MALRD1: variants seen among roughly 807,000 people sequenced by gnomAD.
The protein encoded by MALRD1 is MAM and LDL-receptor class A domain-containing protein 1.
MALRD1 carries 247 observed loss-of-function variants against 242.1 expected under a neutral mutation model. The observed-to-expected ratio is 1.02, with a 90% CI of 0.92 to 1.13. The LOEUF (loss-of-function observed/expected upper bound fraction) is 1.13. MALRD1 is among the 50% of genes most tolerant of loss of function. MALRD1 has a pLI of 0.00. For missense variants in MALRD1, 2,989 were observed against 2,533.1 expected (o/e 1.18, Z -3.86); for synonymous variants, 995 against 866.6 (o/e 1.15, Z -2.60).
At chr10:19,169,588 G>A (rs1316135450) in intron 13 of MALRD1, among the ~76,000 whole-genome samples, 3 of 151,358 alleles carry the variant, frequency 2.0e-5, no homozygotes, top group African/African-American at 7.3e-5. Flanking sequence ...CTTATCCTCT[G>A]CAGAAAAAAA....
At chr10:19,075,461 G>A (rs979876070) in intron 2 of MALRD1, among the ~76,000 whole-genome samples, 1 of 152,066 alleles carries the variant, frequency 6.6e-6, no homozygotes. Context: ...TTTAAAGTTT[G>A]AGGACTTGAC....
chr10:19,491,565 G>A lies in MALRD1; in HGVS notation c.5078G>A (p.Arg1693Gln), dbSNP rs908498078. 11 of 1,549,992 alleles carry A rather than the reference G, an allele frequency of 7.1e-6. No individual in the cohort carries two copies. The highest frequency in any genetic ancestry group is 1.7e-4 in the Middle Eastern group (1 of 6,012). Residue 1693 changes from arginine (R) to glutamine (Q), a missense_variant, in exon 30 of 40, where the codon CGG becomes CAG. Coordinates refer to ENST00000454679, the MANE Select transcript of MALRD1 (RefSeq NM_001142308.3). ...CCGGAAATCACTGATTTTTTGTGCC[G>A]GGACAAGAAGTGCATTGCATCCCAC... ...LCPEITDFLC[R>Q]DKKCIASHLL...
At chr10:19,087,579 G>A (rs1341842745) in intron 2 of MALRD1, among the ~76,000 whole-genome samples, 1 of 150,224 alleles carries the variant, frequency 6.7e-6, no homozygotes, top group Non-Finnish European at 1.5e-5. Context: ...TAGGTACACA[G>A]TAGATGTGTA....
chr10:19,173,541 C>G (rs1215311407), intron 13 of MALRD1, among the ~76,000 whole-genome samples: 1 of 152,108 alleles, frequency 6.6e-6, no homozygotes, highest in East Asian at 1.9e-4. Flanking sequence ...TCCAGTTGAG[C>G]TGTACCAACT....
chr10:19,063,216 G>T (rs541123108), intron 1 of MALRD1, among the ~76,000 whole-genome samples: 1 of 152,268 alleles, frequency 6.6e-6, no homozygotes, highest in East Asian at 1.9e-4. Flanking sequence ...ACTCTGATGG[G>T]AAGACTACAA....
intron 36 of MALRD1, among the ~76,000 whole-genome samples, chr10:19,622,945 A>G (rs896314645): frequency 6.6e-6 from 1 of 152,032 alleles, no homozygotes; most frequent in Non-Finnish European, 1.5e-5. Context: ...TGGGGCAACT[A>G]GTAAGTATTT....
At chr10:19,178,974 G>C (rs758507705) in intron 14 of MALRD1, among the ~76,000 whole-genome samples, 1 of 152,168 alleles carries the variant, frequency 6.6e-6, no homozygotes, top group Non-Finnish European at 1.5e-5. Flanking sequence ...ATGACTTGCC[G>C]GTGAGAACAA....
intron 38 of MALRD1, among the ~76,000 whole-genome samples, chr10:19,712,807 A>T (rs1034404199): frequency 1.3e-5 from 2 of 152,172 alleles, no homozygotes; most frequent in Non-Finnish European, 2.9e-5. Context: ...GGAAAGGAAG[A>T]GAAAAGACTA....
At chr10:19,203,451 A>G (rs557153086) in intron 14 of MALRD1, among the ~76,000 whole-genome samples, 1 of 152,340 alleles carries the variant, frequency 6.6e-6, no homozygotes, top group South Asian at 2.1e-4. Context: ...TGGCAATTCT[A>G]TAAGCAATCA....
chr10:19,091,691 A>G (rs1294220714), intron 4 of MALRD1, among the ~76,000 whole-genome samples: 1 of 84,424 alleles, frequency 1.2e-5, no homozygotes, highest in African/African-American at 5.5e-5. Flanking sequence ...TAGGGTGTCA[A>G]TTTTGGATCT....
At chr10:19,227,706 T>A (rs1315590703) in intron 18 of MALRD1, among the ~76,000 whole-genome samples, 1 of 152,086 alleles carries the variant, frequency 6.6e-6, no homozygotes, top group Non-Finnish European at 1.5e-5. Flanking sequence ...TAAATATGTC[T>A]GATAAAGAAC....
At chr10:19,088,281 T>A (rs1349654347) in intron 4 of MALRD1, 96 bp downstream of exon 4, 2 of 1,112,616 alleles carry the variant, frequency 1.8e-6, no homozygotes, top group Non-Finnish European at 2.3e-6. Flanking sequence ...CTGTCCCAGT[T>A]TGCCAGGGAC....
chr10:19,137,339 C>T (rs942235395), intron 10 of MALRD1, among the ~76,000 whole-genome samples: 1 of 152,054 alleles, frequency 6.6e-6, no homozygotes, highest in African/African-American at 2.4e-5. Context: ...GGTGCAATGG[C>T]TCACACCTGT....
chr10:19,149,049 T>C (rs1170436251), intron 11 of MALRD1, among the ~76,000 whole-genome samples: 1 of 151,842 alleles, frequency 6.6e-6, no homozygotes, highest in South Asian at 2.1e-4. Flanking sequence ...AACATATAGA[T>C]TGCAGCTTTT....
At chr10:19,125,737 C>T (rs944751527) in intron 7 of MALRD1, among the ~76,000 whole-genome samples, 7 of 151,860 alleles carry the variant, frequency 4.6e-5, no homozygotes, top group Non-Finnish European at 8.8e-5. Flanking sequence ...AAAGACCAAA[C>T]TATCATTTAA....
At chr10:19,580,548 G>A (rs916484821) in intron 33 of MALRD1, among the ~76,000 whole-genome samples, 13 of 152,028 alleles carry the variant, frequency 8.6e-5, no homozygotes, top group African/African-American at 3.1e-4. Context: ...CTGCTTTCAG[G>A]TAACCTGCCT....
chr10:19,097,781 G>A (rs1306525465), intron 4 of MALRD1, among the ~76,000 whole-genome samples: 2 of 152,126 alleles, frequency 1.3e-5, no homozygotes, highest in African/African-American at 4.8e-5. Flanking sequence ...CCGATACATT[G>A]AGAACAAAAT....
intron 10 of MALRD1, among the ~76,000 whole-genome samples, chr10:19,142,912 A>G (rs1833601934): frequency 6.6e-6 from 1 of 152,200 alleles, no homozygotes; most frequent in African/African-American, 2.4e-5. Flanking sequence ...TTTGATTTAT[A>G]TTTTACAGTA....
At chr10:19,461,213 A>G (rs567646260) in intron 29 of MALRD1, among the ~76,000 whole-genome samples, 5 of 152,250 alleles carry the variant, frequency 3.3e-5, no homozygotes, top group African/African-American at 4.8e-5. Context: ...TTAGTATGGA[A>G]TGGATTCTTG....
Sources: gnomAD v4.1 joint callset for allele counts (sites outside exome capture counted in the v4.1 genomes callset) on GRCh38, gnomAD v4.1.1 for gene constraint, MANE v1.5 for transcripts, NCBI Gene and HGNC (gene_info 2026-07-23, HGNC 2026-07-21) for gene names.